The following TTC3 variants were observed in gnomAD, a reference collection of about 807,000 sequenced individuals.
The protein encoded by TTC3 is tetratricopeptide repeat domain 3.
A neutral mutation model predicts 249.6 loss-of-function variants in TTC3; 180 were observed. The ratio of observed to expected loss-of-function variants is 0.72; its 90% CI spans 0.64 to 0.82. The LOEUF (loss-of-function observed/expected upper bound fraction) is 0.82. Among genes scored for constraint, TTC3 ranks in the 40% least tolerant of loss-of-function variants. The probability of loss-of-function intolerance (pLI) is 0.00; values close to 1 mark genes in which losing one functional copy is unlikely to be tolerated. For synonymous variants in TTC3, 717 were observed against 805.0 expected (o/e 0.89, Z 1.85); for missense variants, 2,061 against 2,398.4 (o/e 0.86, Z 2.94).
At chr21:37,145,521 T>C (rs1307240148) in intron 21 of TTC3, among the ~76,000 whole-genome samples, 1 of 152,184 alleles carries the variant, frequency 6.6e-6, no homozygotes, top group Non-Finnish European at 1.5e-5. Flanking sequence ...CAGACACTGC[T>C]GGTGGTAATG....
At chr21:37,116,896 C>T (rs1156437706) in intron 11 of TTC3, among the ~76,000 whole-genome samples, 1 of 151,804 alleles carries the variant, frequency 6.6e-6, no homozygotes, top group Non-Finnish European at 1.5e-5. Context: ...TACTTCATTC[C>T]TGGTTTTACG....
At chr21:37,202,520 GTC>G (rs1382109581) in exon 46 of TTC3, 1 of 152,284 alleles carries the variant, frequency 6.6e-6, no homozygotes, top group Non-Finnish European at 1.5e-5. Flanking sequence ...GAGAAGCTGT[GTC>G]TTTAGACAAC....
exon 43 of TTC3, chr21:37,197,612 C>G (rs1415467682): frequency 5.0e-6 from 8 of 1,612,018 alleles, no homozygotes; most frequent in Non-Finnish European, 6.8e-6. Flanking sequence ...GAAGCAAAAA[C>G]AAGAACTCAC....
In TTC3 at chr21:37,165,817, A is replaced by G. The variant is rs575179660; in HGVS notation, c.3603A>G (p.Val1201=). The G allele has an allele frequency of 2.5e-6, 4 of 1,614,208 alleles. No homozygotes were observed. In the South Asian group the frequency reaches 4.4e-5, roughly 18 times the overall value. ...AAATTTCAAAAGCAGGGGAGTATGT[A>G]CGAGTTAAACTACAACTGAATCCAG... The change falls in exon 33 of 46, where the codon GTA becomes GTG. Residue 1201 remains valine (V), a synonymous_variant. Transcript: ENST00000355666.
exon 13 of TTC3, chr21:37,122,986 G>C: frequency 1.2e-6 from 2 of 1,613,698 alleles, no homozygotes; most frequent in South Asian, 2.2e-5. Flanking sequence ...TTTATAGGTC[G>C]AACAGCAAAT....
At position 37,129,082 on chromosome 21, in the gene TTC3, G is replaced by A. The variant is rs1224948431; in HGVS notation, c.1358+19G>A. On this transcript the variant is annotated intron_variant, in intron 16 of 45. Transcript: ENST00000355666. ...AGTTCAGGTATGTTTTTTCTCTAAG[G>A]TATGTTTTTTTCCCCTTAATATACT... The A allele has an allele frequency of 1.9e-6, 3 of 1,557,618 alleles. No individual in the cohort carries two copies. The highest frequency in any genetic ancestry group is 2.6e-6 in the Non-Finnish European group (3 of 1,152,532).
At position 37,104,588 on chromosome 21, in the gene TTC3, C is replaced by CAAAAAAAAAAAAAA. The variant is rs141618903; in HGVS notation, c.846-3796_846-3783dup. 9.0e-4 allele frequency among the ~76,000 whole-genome samples: 94 copies of CAAAAAAAAAAAAAA among 104,276 alleles called. 1 individual carries two copies. The highest frequency in any genetic ancestry group is 0.01 in the Middle Eastern group (2 of 198). The allele number at this position is 104,276 out of a possible 152,430, so 68.4% of individuals were successfully genotyped here. ...CTCGGCGACGAGCAAAACTCCGTCTCAAAAAAAAAAAAAAAAAAAAAGAAA... is the reference window on the plus strand; with the variant it reads ...CTCGGCGACGAGCAAAACTCCGTCTCAAAAAAAAAAAAAAAAAAAAAAAAAAAAAAAAAAAGAAA... On this transcript the variant is annotated intron_variant, in intron 10 of 45. Transcript: ENST00000355666.
intron 32 of TTC3, 42 bp from the exon 33 acceptor site, chr21:37,165,508 A>T: frequency 1.4e-6 from 2 of 1,454,590 alleles, no homozygotes; most frequent in African/African-American, 1.4e-5. Flanking sequence ...ATATTCAAGT[A>T]CTTCCTTATA....
At chr21:37,113,590 T>G (rs2075864649) in intron 11 of TTC3, among the ~76,000 whole-genome samples, 1 of 152,094 alleles carries the variant, frequency 6.6e-6, no homozygotes, top group African/African-American at 2.4e-5. Context: ...GAATCAATAT[T>G]GTGAAAATGG....
chr21:37,102,601 C>G (rs2147765731), intron 10 of TTC3, among the ~76,000 whole-genome samples: 1 of 152,314 alleles, frequency 6.6e-6, no homozygotes. Context: ...GGCAAAACCC[C>G]TAATTACTTT....
intron 10 of TTC3, among the ~76,000 whole-genome samples, chr21:37,097,402 A>C (rs889255384): frequency 6.6e-6 from 1 of 152,222 alleles, no homozygotes; most frequent in Non-Finnish European, 1.5e-5. Context: ...ATACATCCAC[A>C]CAGTAGAAGA....
At chr21:37,198,490 G>A (rs949522931) in intron 44 of TTC3, among the ~76,000 whole-genome samples, 1 of 152,226 alleles carries the variant, frequency 6.6e-6, no homozygotes, top group Admixed American at 6.5e-5. Context: ...ATTGCCTGGA[G>A]AAGAGGGTTC....
chr21:37,100,307 AT>A (rs765634256), intron 10 of TTC3, among the ~76,000 whole-genome samples: 2 of 152,356 alleles, frequency 1.3e-5, no homozygotes, highest in East Asian at 1.9e-4. Context: ...GAAATATTTG[AT>A]AAAAAGTAAA....
At chr21:37,147,425 A>T in intron 21 of TTC3, 56 bp from the exon 22 acceptor site, 1 of 1,473,742 alleles carries the variant, frequency 6.8e-7, no homozygotes, top group Non-Finnish European at 9.0e-7. Context: ...AATCACAAGC[A>T]TTTTTATTGA....
chr21:37,084,402 A>C (rs2072122218), intron 1 of TTC3: 1 of 152,218 alleles, frequency 6.6e-6, no homozygotes, highest in Non-Finnish European at 1.5e-5. Context: ...GAAGCATCCA[A>C]ACAGTGGATT....
At chr21:37,182,992 T>C in intron 36 of TTC3, 79 bp downstream of exon 36, 1 of 1,228,054 alleles carries the variant, frequency 8.1e-7, no homozygotes, top group Non-Finnish European at 1.1e-6. Context: ...ATTTTTGATA[T>C]TTAATATTAA....
chr21:37,142,370 ATCT>A (rs1463670519), intron 20 of TTC3, among the ~76,000 whole-genome samples: 1 of 152,222 alleles, frequency 6.6e-6, no homozygotes, highest in Non-Finnish European at 1.5e-5. Flanking sequence ...TCAGCCCAAA[ATCT>A]TCTTAAGCTG....
At chr21:37,200,183 A>T (rs1488690103) in intron 44 of TTC3, 49 bp from the exon 45 acceptor site, 1 of 1,568,142 alleles carries the variant, frequency 6.4e-7, no homozygotes, top group East Asian at 2.3e-5. Context: ...TCGTGTCATA[A>T]AAACAACTGT....
At chr21:37,095,008 C>T (rs928054368) in intron 8 of TTC3, among the ~76,000 whole-genome samples, 4 of 151,874 alleles carry the variant, frequency 2.6e-5, no homozygotes, top group African/African-American at 9.7e-5. Context: ...TGGTGGGGTG[C>T]ACTTGTAGTC....
Sources: gnomAD v4.1 joint callset for allele counts (sites outside exome capture counted in the v4.1 genomes callset) on GRCh38, gnomAD v4.1.1 for gene constraint, MANE v1.5 for transcripts, NCBI Gene and HGNC (gene_info 2026-07-23, HGNC 2026-07-21) for gene names.